Variants in BMPER observed in about 807,000 individuals in gnomAD.
The protein encoded by BMPER is BMP-binding endothelial regulator protein.
A neutral mutation model predicts 87.3 loss-of-function variants in BMPER; 45 were observed. The observed-to-expected ratio is 0.52, with a 90% CI of 0.41 to 0.66. The LOEUF (loss-of-function observed/expected upper bound fraction) is 0.66, where lower values mean the gene tolerates loss of function less well. Among genes scored for constraint, BMPER ranks in the 30% least tolerant of loss-of-function variants. The pLI, the probability that BMPER is intolerant of heterozygous loss-of-function variation, is 0.00. For missense variants in BMPER, 784 were observed against 867.5 expected (o/e 0.90, Z 1.21); for synonymous variants, 326 against 316.2 (o/e 1.03, Z -0.33).
chr7:34,007,207 A>G (rs1786758188), intron 6 of BMPER, among the ~76,000 whole-genome samples: 1 of 152,220 alleles, frequency 6.6e-6, no homozygotes, highest in South Asian at 2.1e-4. Context: ...ATTGTAGATG[A>G]ATTTTCTCAT....
chr7:34,045,570 A>G (rs1373775824), intron 6 of BMPER, among the ~76,000 whole-genome samples: 1 of 152,212 alleles, frequency 6.6e-6, no homozygotes, highest in Non-Finnish European at 1.5e-5. Context: ...ACTTCTCCAA[A>G]TAGGTTTCTG....
Position 34,028,601 on chromosome 7 carries a change from G to GTTTTTTTTTTTTTT in BMPER, c.577-17686_577-17673dup. ...ACATACAGTCCAAATCATTTTTTCT[G>GTTTTTTTTTTTTTT]TTTTTTTTTTTTTTTTTTTTTTTTT... On this transcript the variant is annotated intron_variant, in intron 6 of 14. Transcript: ENST00000649409. Among the ~76,000 whole-genome samples, 24 of 36,056 alleles carry GTTTTTTTTTTTTTT rather than the reference G, an allele frequency of 6.7e-4. 3 individuals carry two copies. The highest frequency in any genetic ancestry group is 1.2e-3 in the East Asian group (1 of 820). 23.7% of individuals were successfully genotyped at this position (36,056 alleles called of 152,430 possible). A position where few individuals can be genotyped will look rare whatever the true frequency, so the allele number is the denominator to read the frequency against.
intron 6 of BMPER, among the ~76,000 whole-genome samples, chr7:33,997,244 G>A (rs1038073361): frequency 3.9e-5 from 6 of 152,140 alleles, no homozygotes; most frequent in Admixed American, 1.3e-4. Flanking sequence ...ATTTTTCCAA[G>A]TTAAAGCCAG....
intron 6 of BMPER, among the ~76,000 whole-genome samples, chr7:33,996,785 T>G (rs765780816): frequency 2.6e-5 from 4 of 152,246 alleles, no homozygotes; most frequent in Non-Finnish European, 5.9e-5. Context: ...ACACCATCCC[T>G]AACCCCATAT....
chr7:34,024,027 A>G (rs1271896960), intron 6 of BMPER, among the ~76,000 whole-genome samples: 1 of 152,018 alleles, frequency 6.6e-6, no homozygotes, highest in African/African-American at 2.4e-5. Flanking sequence ...CTTAATGGAA[A>G]TTGGATGGAA....
At chr7:33,926,036 G>A (rs1453329356) in intron 2 of BMPER, among the ~76,000 whole-genome samples, 1 of 152,152 alleles carries the variant, frequency 6.6e-6, no homozygotes, top group Admixed American at 6.5e-5. Flanking sequence ...TGCCCCTCAT[G>A]TTGCAACATG....
intron 3 of BMPER, among the ~76,000 whole-genome samples, chr7:33,953,404 G>T (rs1465566498): frequency 6.6e-6 from 1 of 152,214 alleles, no homozygotes; most frequent in Non-Finnish European, 1.5e-5. Flanking sequence ...ATCAATTATT[G>T]ACTCTGCCAC....
rs1785160226 is a variant in BMPER, at chr7:33,956,849, A to G, written c.320-9630A>G. On this transcript the variant is annotated intron_variant, in intron 3 of 14. Transcript: ENST00000649409. The stretch of plus-strand genomic sequence containing the variant: ...ATTGGTAAGGCTTCTGGTCAGCAGT[A>G]GGCTATTAGGTATGTTTTTGGGGAA... 2.0e-5 allele frequency among the ~76,000 whole-genome samples: 3 copies of G among 152,364 alleles called. No homozygotes were observed. In the South Asian group the frequency reaches 6.2e-4, roughly 32 times the overall value.
At chr7:34,028,342 T>C (rs1787414249) in intron 6 of BMPER, among the ~76,000 whole-genome samples, 1 of 152,062 alleles carries the variant, frequency 6.6e-6, no homozygotes, top group Non-Finnish European at 1.5e-5. Context: ...TATGTTAGCA[T>C]GAAATGGGTT....
At chr7:34,143,154 C>A (rs1790916363) in intron 13 of BMPER, 76 bp from the exon 14 acceptor site, 2 of 1,597,738 alleles carry the variant, frequency 1.3e-6, no homozygotes, top group Non-Finnish European at 1.7e-6. Context: ...CATCTACGAC[C>A]CTTTCTGAAG....
chr7:34,127,962 A>G (rs887008430), intron 13 of BMPER, among the ~76,000 whole-genome samples: 4 of 152,162 alleles, frequency 2.6e-5, no homozygotes, highest in African/African-American at 7.2e-5. Flanking sequence ...TTTGAATTCT[A>G]TCACTTTTCT....
At chr7:34,033,985 T>C (rs1315292601) in intron 6 of BMPER, among the ~76,000 whole-genome samples, 2 of 152,218 alleles carry the variant, frequency 1.3e-5, no homozygotes, top group African/African-American at 2.4e-5. Flanking sequence ...TTAACTGGTT[T>C]AGACTTGTGT....
intron 11 of BMPER, among the ~76,000 whole-genome samples, chr7:34,074,568 C>T (rs575359415): frequency 2.0e-5 from 3 of 152,304 alleles, no homozygotes; most frequent in African/African-American, 4.8e-5. Flanking sequence ...ACAGTGATCT[C>T]GTGGGGCCTG....
At chr7:33,993,427 G>C (rs1585715854) in intron 6 of BMPER, among the ~76,000 whole-genome samples, 1 of 152,056 alleles carries the variant, frequency 6.6e-6, no homozygotes, top group African/African-American at 2.4e-5. Context: ...TGAGGCTTCT[G>C]CATTCTTCAC....
At chr7:34,093,548 C>T (rs1250830957) in intron 13 of BMPER, among the ~76,000 whole-genome samples, 1 of 152,232 alleles carries the variant, frequency 6.6e-6, no homozygotes, top group Non-Finnish European at 1.5e-5. Context: ...ACGATTGTCT[C>T]TTTGTGGCCA....
chr7:34,146,478 G>A (rs1475156755), intron 14 of BMPER, among the ~76,000 whole-genome samples: 1 of 152,030 alleles, frequency 6.6e-6, no homozygotes, highest in Non-Finnish European at 1.5e-5. Context: ...ATATGCTAAG[G>A]GCTATAGTGA....
chr7:33,992,747 G>T (rs1017888365), intron 6 of BMPER, among the ~76,000 whole-genome samples: 1 of 149,252 alleles, frequency 6.7e-6, no homozygotes, highest in African/African-American at 2.5e-5. Flanking sequence ...ATTTTGCAGC[G>T]GCTGGTACCG....
rs948734934 is a variant in BMPER, at chr7:34,121,153, G to A, written c.1746-22077G>A. Among the ~76,000 whole-genome samples, 11 of 152,036 alleles carry A rather than the reference G, an allele frequency of 7.2e-5. No individual in the cohort carries two copies. The South Asian group carries it at 1.5e-3, about 20-fold the overall frequency. ...AGTTATTTGCCTTTGGGGAAGAAGG[G>A]AAAATAATGGAAGTAGGGATGGAAG... On this transcript the variant is annotated intron_variant, in intron 13 of 14. Transcript: ENST00000649409.
At chr7:33,994,674 A>T (rs1337022080) in intron 6 of BMPER, among the ~76,000 whole-genome samples, 1 of 152,126 alleles carries the variant, frequency 6.6e-6, no homozygotes, top group Non-Finnish European at 1.5e-5. Context: ...TTGCTGTTAG[A>T]TTATTCTGAT....
Sources: gnomAD v4.1 joint callset for allele counts (sites outside exome capture counted in the v4.1 genomes callset) on GRCh38, gnomAD v4.1.1 for gene constraint, MANE v1.5 for transcripts, NCBI Gene and HGNC (gene_info 2026-07-23, HGNC 2026-07-21) for gene names.